The following NALF1 variants were observed in gnomAD, a reference collection of about 807,000 sequenced individuals.
NALF1 encodes the protein family with sequence similarity 155 member A.
A neutral mutation model predicts 48.4 loss-of-function variants in NALF1; 3 were observed. The observed-to-expected ratio is 0.06, with a 90% CI of 0.03 to 0.16. The LOEUF (loss-of-function observed/expected upper bound fraction) is 0.16, where lower values mean the gene tolerates loss of function less well. Ranked by LOEUF, NALF1 falls within the 10% of genes least tolerant of loss-of-function variation. The pLI is 1.00. For missense variants in NALF1, 526 were observed against 571.5 expected (o/e 0.92, Z 0.81); for synonymous variants, 262 against 245.7 (o/e 1.07, Z -0.62).
intron 1 of NALF1, among the ~76,000 whole-genome samples, chr13:107,502,417 T>G (rs1284515649): frequency 2.0e-5 from 3 of 152,166 alleles, no homozygotes; most frequent in Non-Finnish European, 4.4e-5. Flanking sequence ...GGCTTAATTG[T>G]GATTAATTTA....
intron 1 of NALF1, among the ~76,000 whole-genome samples, chr13:107,298,351 C>CAAAAAAAAAAAAAAAAAAA (rs1192707023): frequency 6.0e-5 from 1 of 16,626 alleles, no homozygotes; most frequent in Non-Finnish European, 1.1e-4. Context: ...GACTCCATCT[C>CAAAAAAAAAAAAAAAAAAA]AAAAAAAAAA....
intron 1 of NALF1, among the ~76,000 whole-genome samples, chr13:107,218,199 T>TCCTGTGTGA (rs1221149413): frequency 3.3e-5 from 5 of 152,146 alleles, no homozygotes; most frequent in African/African-American, 1.2e-4. Context: ...TTCCTGTCCA[T>TCCTGTGTGA]CCTGTGTGAC....
At chr13:107,213,549 G>T (rs1225986038) in intron 1 of NALF1, among the ~76,000 whole-genome samples, 2 of 152,186 alleles carry the variant, frequency 1.3e-5, no homozygotes, top group Admixed American at 6.5e-5. Flanking sequence ...CATGTGAGCT[G>T]AATCGAAATC....
At chr13:107,593,882 T>C (rs899437340) in intron 1 of NALF1, among the ~76,000 whole-genome samples, 6 of 151,356 alleles carry the variant, frequency 4.0e-5, no homozygotes, top group African/African-American at 7.3e-5. Flanking sequence ...TCAGGTGCCA[T>C]AGAAGGTCTT....
chr13:107,406,191 T>C (rs912317537), intron 1 of NALF1, among the ~76,000 whole-genome samples: 3 of 152,062 alleles, frequency 2.0e-5, no homozygotes, highest in Non-Finnish European at 4.4e-5. Context: ...AAAAATTTTA[T>C]GGCTATCTTT....
chr13:107,635,689 G>A (rs1001678817), intron 1 of NALF1, among the ~76,000 whole-genome samples: 1 of 152,122 alleles, frequency 6.6e-6, no homozygotes, highest in African/African-American at 2.4e-5. Context: ...TGAACCTGTA[G>A]CTTTGTTTGA....
At chr13:107,618,668 C>A (rs555011719) in intron 1 of NALF1, among the ~76,000 whole-genome samples, 1 of 152,150 alleles carries the variant, frequency 6.6e-6, no homozygotes. Flanking sequence ...TGGAAGACTT[C>A]ATGTGTGTGT....
chr13:107,209,777 G>T (rs752517284), intron 2 of NALF1, among the ~76,000 whole-genome samples: 5 of 152,090 alleles, frequency 3.3e-5, no homozygotes, highest in Non-Finnish European at 7.3e-5. Context: ...GCTACAGCTT[G>T]AGCCACGTAA....
intron 1 of NALF1, among the ~76,000 whole-genome samples, chr13:107,811,546 T>A (rs578142125): frequency 6.6e-6 from 1 of 152,332 alleles, no homozygotes; most frequent in South Asian, 2.1e-4. Flanking sequence ...ATATTATTAA[T>A]CTTTATGGCC....
intron 1 of NALF1, among the ~76,000 whole-genome samples, chr13:107,536,816 C>T (rs373254106): frequency 6.6e-6 from 1 of 152,154 alleles, no homozygotes; most frequent in South Asian, 2.1e-4. Flanking sequence ...ATAGCAAAGA[C>T]TTGGAACCAA....
At chr13:107,852,021 T>C (rs768725634) in intron 1 of NALF1, among the ~76,000 whole-genome samples, 7 of 151,426 alleles carry the variant, frequency 4.6e-5, no homozygotes, top group Non-Finnish European at 8.8e-5. Context: ...AAGATGGACT[T>C]GAACTCCTGG....
At chr13:107,689,140 C>T (rs551977866) in intron 1 of NALF1, among the ~76,000 whole-genome samples, 237 of 152,208 alleles carry the variant, frequency 1.6e-3, no homozygotes, top group Non-Finnish European at 2.6e-3. Context: ...GTCACCCTGC[C>T]CGGAGTCACA....
At chr13:107,215,462 A>C (rs957184344) in intron 1 of NALF1, among the ~76,000 whole-genome samples, 4 of 152,064 alleles carry the variant, frequency 2.6e-5, no homozygotes, top group Non-Finnish European at 5.9e-5. Flanking sequence ...AGGAGAACCC[A>C]AGAGAGCTCA....
chr13:107,381,041 T>C (rs1026505789), intron 1 of NALF1, among the ~76,000 whole-genome samples: 1 of 149,222 alleles, frequency 6.7e-6, no homozygotes, highest in African/African-American at 2.5e-5. Flanking sequence ...ATTTCATATA[T>C]ATGTAAAATA....
chr13:107,841,652 C>A lies in NALF1; in HGVS notation c.915+24030G>T, dbSNP rs1238106320. Among the ~76,000 whole-genome samples, 759 of 138,246 alleles carry A rather than the reference C, an allele frequency of 5.5e-3. 5 individuals are homozygous for A. The highest frequency in any genetic ancestry group is 0.021 in the African/African-American group (696 of 33,270). The allele number at this position is 138,246 out of a possible 152,430, so 90.7% of individuals were successfully genotyped here. A position where few individuals can be genotyped will look rare whatever the true frequency, so the allele number is the denominator to read the frequency against. On this transcript the variant is annotated intron_variant, in intron 1 of 2. Transcript: ENST00000375915. ...TGGAATATCCTTAAAAAAAAAAAAA[C>A]ATAAGAAGTTTTCAATTGTTTGTTT...
Position 107,167,458 on chromosome 13 carries a change from G to A in NALF1, c.*3039C>T, listed in dbSNP as rs958924693. ...GAGTCGTTGCCTATTTGGATCCTCT[G>A]CCTGACCCCAGAAGAAGCTGCTTTG... On this transcript the variant is annotated 3_prime_UTR_variant, in exon 3 of 3. Coordinates refer to ENST00000375915, the MANE Select transcript of NALF1 (RefSeq NM_001080396.3). 1 of 152,204 alleles carries A rather than the reference G, an allele frequency of 6.6e-6. No individual in the cohort carries two copies. Among genetic ancestry groups the A allele is most frequent in the Non-Finnish European group, 1.5e-5 (1 of 68,050 alleles). The allele number at this position is 152,204 out of a possible 1,614,324, so 9.4% of individuals were successfully genotyped here. A position where few individuals can be genotyped will look rare whatever the true frequency, so the allele number is the denominator to read the frequency against.
intron 2 of NALF1, 95 bp from the exon 3 acceptor site, chr13:107,170,881 T>C (rs1878788689): frequency 1.8e-6 from 2 of 1,131,888 alleles, no homozygotes; most frequent in Non-Finnish European, 2.5e-6. Context: ...ACCCACAAAA[T>C]CTTACAGGCA....
chr13:107,718,992 TG>T (rs1410410100), intron 1 of NALF1, among the ~76,000 whole-genome samples: 1 of 152,228 alleles, frequency 6.6e-6, no homozygotes, highest in African/African-American at 2.4e-5. Context: ...CATAAGCATT[TG>T]ATCTCAAATT....
At chr13:107,621,195 C>T (rs1879508683) in intron 1 of NALF1, among the ~76,000 whole-genome samples, 1 of 152,162 alleles carries the variant, frequency 6.6e-6, no homozygotes, top group African/African-American at 2.4e-5. Context: ...TCCTAAATTA[C>T]AGTGTTAACA....
Sources: gnomAD v4.1 joint callset for allele counts (sites outside exome capture counted in the v4.1 genomes callset) on GRCh38, gnomAD v4.1.1 for gene constraint, MANE v1.5 for transcripts, NCBI Gene and HGNC (gene_info 2026-07-23, HGNC 2026-07-21) for gene names.